The following MGAT5 variants were observed in gnomAD, a reference collection of about 807,000 sequenced individuals.
The protein encoded by MGAT5 is alpha-1,6-mannosylglycoprotein 6-beta-N-acetylglucosaminyltransferase.
Under a neutral mutation model 94.3 loss-of-function variants are expected in MGAT5, and 30 were observed. That is an observed-to-expected ratio of 0.32 (90% CI 0.24 to 0.43). The LOEUF is 0.43. MGAT5 is among the 20% of genes least tolerant of loss of function. The probability of loss-of-function intolerance (pLI) is 1.00; values close to 1 mark genes in which losing one functional copy is unlikely to be tolerated. For synonymous variants in MGAT5, 310 were observed against 322.9 expected (o/e 0.96, Z 0.43); for missense variants, 691 against 905.5 (o/e 0.76, Z 3.04).
At chr2:134,285,665 A>G (rs968801886) in intron 2 of MGAT5, among the ~76,000 whole-genome samples, 3 of 152,196 alleles carry the variant, frequency 2.0e-5, no homozygotes, top group Admixed American at 2.0e-4. Context: ...TGGAAACACA[A>G]ATACTTCTAA....
intron 1 of MGAT5, among the ~76,000 whole-genome samples, chr2:134,184,671 T>G (rs1336791419): frequency 1.3e-5 from 2 of 152,086 alleles, no homozygotes; most frequent in East Asian, 3.9e-4. Flanking sequence ...CAACAGATAC[T>G]TGTTGTAGTA....
At chr2:134,121,151 C>T (rs1348804011) in intron 1 of MGAT5, among the ~76,000 whole-genome samples, 1 of 152,206 alleles carries the variant, frequency 6.6e-6, no homozygotes, top group East Asian at 1.9e-4. Context: ...CGCCCCTGGC[C>T]CCTGCCTCGC....
At chr2:134,178,108 AAG>A (rs1476591036) in intron 1 of MGAT5, among the ~76,000 whole-genome samples, 34 of 152,176 alleles carry the variant, frequency 2.2e-4, no homozygotes, top group Non-Finnish European at 4.6e-4. Flanking sequence ...TCAAAAAAAA[AAG>A]AGGTGAGATT....
chr2:134,401,297 C>A (rs1459176514), intron 10 of MGAT5, among the ~76,000 whole-genome samples: 1 of 152,200 alleles, frequency 6.6e-6, no homozygotes, highest in Non-Finnish European at 1.5e-5. Flanking sequence ...CTCCAACGCT[C>A]AAATGACCTT....
chr2:134,389,520 G>A (rs1430255872), intron 10 of MGAT5, among the ~76,000 whole-genome samples: 1 of 152,152 alleles, frequency 6.6e-6, no homozygotes. Flanking sequence ...TGCTTTCCCA[G>A]CTGAACTATC....
intron 2 of MGAT5, among the ~76,000 whole-genome samples, chr2:134,302,859 G>C (rs906649517): frequency 6.6e-6 from 1 of 151,484 alleles, no homozygotes; most frequent in African/African-American, 2.4e-5. Flanking sequence ...TTCTCTGTCT[G>C]CTTTCAACAT....
intron 1 of MGAT5, among the ~76,000 whole-genome samples, chr2:134,162,736 T>C (rs555462098): frequency 4.9e-4 from 74 of 152,328 alleles, no homozygotes; most frequent in African/African-American, 1.5e-3. Context: ...AGAAATAACA[T>C]GTTTGGGATG....
At chr2:134,410,867 G>A (rs1409207725) in intron 11 of MGAT5, among the ~76,000 whole-genome samples, 13 of 152,144 alleles carry the variant, frequency 8.5e-5, no homozygotes, top group East Asian at 3.9e-4. Context: ...CCTGATCTGC[G>A]TCTTCTGGCA....
chr2:134,251,205 A>G (rs547567867), upstream of MGAT5, among the ~76,000 whole-genome samples: 4 of 152,234 alleles, frequency 2.6e-5, no homozygotes, highest in East Asian at 7.7e-4. Context: ...TATCAAAAAA[A>G]AAAAAAGCCA....
At chr2:134,217,238 G>GGTGTGTGTGTGTGTGT (rs35795776) in intron 1 of MGAT5, among the ~76,000 whole-genome samples, 2,865 of 145,176 alleles carry the variant, frequency 0.02, 78 homozygotes, top group African/African-American at 0.06. Context: ...GAGAGAGAGT[G>GGTGTGTGTGTGTGTGT]GTGTGTGTGT....
intron 1 of MGAT5, among the ~76,000 whole-genome samples, chr2:134,130,028 C>T (rs780740369): frequency 2.6e-5 from 4 of 152,314 alleles, no homozygotes; most frequent in African/African-American, 7.2e-5. Flanking sequence ...GCCCCGCACT[C>T]GGAGCGGCCG....
intron 1 of MGAT5, among the ~76,000 whole-genome samples, chr2:134,221,051 A>T (rs575591120): frequency 1.9e-4 from 29 of 152,150 alleles, no homozygotes; most frequent in African/African-American, 6.5e-4. Flanking sequence ...ACTCTTTCTT[A>T]TGTGATTTTT....
At chr2:134,347,661 T>C (rs1161316562) in intron 8 of MGAT5, among the ~76,000 whole-genome samples, 1 of 152,094 alleles carries the variant, frequency 6.6e-6, no homozygotes, top group Non-Finnish European at 1.5e-5. Context: ...CTAGAGATGA[T>C]TTAAATATGA....
Position 134,235,449 on chromosome 2 carries a change from C to T in MGAT5, c.-142-18813C>T, listed in dbSNP as rs1275853775. ...GTGATACCCAGTGAGGGTTGAGAAACGAGTACCTCAGCTTGATCCTTGGGT... is the reference window on the plus strand; with the variant it reads ...GTGATACCCAGTGAGGGTTGAGAAATGAGTACCTCAGCTTGATCCTTGGGT... On this transcript the variant is annotated intron_variant, in intron 1 of 16. Transcript: ENST00000409645. Among the ~76,000 whole-genome samples, 4 of 152,064 alleles carry T rather than the reference C, an allele frequency of 2.6e-5. No individual in the cohort carries two copies. In the East Asian group the frequency reaches 5.8e-4, roughly 22 times the overall value.
intron 15 of MGAT5, among the ~76,000 whole-genome samples, 180 bp downstream of exon 15, chr2:134,442,095 T>C (rs1201599121): frequency 6.6e-6 from 1 of 152,142 alleles, no homozygotes; most frequent in Non-Finnish European, 1.5e-5. Flanking sequence ...TTGTTACCGT[T>C]CCTTTTGGGT....
intron 1 of MGAT5, among the ~76,000 whole-genome samples, chr2:134,199,466 T>A (rs1407926712): frequency 6.6e-6 from 1 of 151,472 alleles, no homozygotes; most frequent in Non-Finnish European, 1.5e-5. Flanking sequence ...TAGGGCTGGC[T>A]GCTGGCTGCA....
At chr2:134,131,606 T>C (rs1295055087) in intron 1 of MGAT5, among the ~76,000 whole-genome samples, 1 of 141,334 alleles carries the variant, frequency 7.1e-6, no homozygotes, top group Non-Finnish European at 1.5e-5. Context: ...TTTTTTACTA[T>C]TGGCCTCTGT....
chr2:134,249,363 C>T (rs1682459518), upstream of MGAT5, among the ~76,000 whole-genome samples: 1 of 151,794 alleles, frequency 6.6e-6, no homozygotes, highest in Non-Finnish European at 1.5e-5. Flanking sequence ...CTTTTTGTTA[C>T]CCCCTAGAAA....
chr2:134,352,636 G>T (rs966722002), intron 9 of MGAT5, among the ~76,000 whole-genome samples: 5 of 152,144 alleles, frequency 3.3e-5, no homozygotes, highest in Admixed American at 3.3e-4. Context: ...GGGCTAGAAG[G>T]GTGATGTCTC....
Sources: gnomAD v4.1 joint callset for allele counts (sites outside exome capture counted in the v4.1 genomes callset) on GRCh38, gnomAD v4.1.1 for gene constraint, MANE v1.5 for transcripts, NCBI Gene and HGNC (gene_info 2026-07-23, HGNC 2026-07-21) for gene names.